TAOK3: variants seen among roughly 807,000 people sequenced by gnomAD.
The protein encoded by TAOK3 is TAO kinase 3.
TAOK3 carries 40 observed loss-of-function variants against 120.4 expected under a neutral mutation model. That is an observed-to-expected ratio of 0.33 (90% CI 0.26 to 0.43). The LOEUF is 0.43. Among genes scored for constraint, TAOK3 ranks in the 20% least tolerant of loss-of-function variants. TAOK3 has a pLI of 1.00. For missense variants in TAOK3, 821 were observed against 1,112.1 expected (o/e 0.74, Z 3.72); for synonymous variants, 355 against 387.5 (o/e 0.92, Z 0.99).
At chr12:118,154,970 T>C (rs1462268977) in intron 19 of TAOK3, among the ~76,000 whole-genome samples, 1 of 151,864 alleles carries the variant, frequency 6.6e-6, no homozygotes, top group African/African-American at 2.4e-5. Context: ...GGGCCAAATC[T>C]AGCCTGGTGC....
chr12:118,255,561 T>G lies in TAOK3; in HGVS notation c.7A>C (p.Lys3Gln). MRKGVLKDPEIAD... is the reference protein window; with the variant it reads MRQGVLKDPEIAD... ...ATCTCTGGGTCCTTCAGCACCCCTTTACGCATGATGGCCAGTAGAGCAGGC... is the reference window on the plus strand; with the variant it reads ...ATCTCTGGGTCCTTCAGCACCCCTTGACGCATGATGGCCAGTAGAGCAGGC... Residue 3 changes from lysine to glutamine, a missense_variant, in exon 3 of 21, where the codon AAA (lysine) becomes CAA (glutamine). This residue lies in a region of TAOK3 where 467 missense variants were observed against 540.0 expected (regional missense o/e 0.86). Transcript: ENST00000392533. 1 of 1,613,376 alleles carries G rather than the reference T, an allele frequency of 6.2e-7. No homozygotes were observed. The highest frequency in any genetic ancestry group is 8.5e-7 in the Non-Finnish European group (1 of 1,179,720).
chr12:118,355,922 C>T (rs1463384986), intron 1 of TAOK3, among the ~76,000 whole-genome samples: 1 of 152,104 alleles, frequency 6.6e-6, no homozygotes, highest in East Asian at 1.9e-4. Context: ...TGTGCAAAGT[C>T]ACAAAGCTAG....
chr12:118,336,578 A>C (rs193127888), intron 1 of TAOK3, among the ~76,000 whole-genome samples: 9 of 152,260 alleles, frequency 5.9e-5, no homozygotes, highest in Admixed American at 5.2e-4. Flanking sequence ...TGACTCAGGG[A>C]AAGAAAAAAA....
chr12:118,358,112 C>T (rs1004908184), intron 1 of TAOK3, among the ~76,000 whole-genome samples: 1 of 152,122 alleles, frequency 6.6e-6, no homozygotes, highest in African/African-American at 2.4e-5. Context: ...ATTAAGGTAG[C>T]TTTCCTGATT....
intron 1 of TAOK3, among the ~76,000 whole-genome samples, chr12:118,310,366 G>A (rs2043217833): frequency 7.2e-5 from 11 of 152,148 alleles, no homozygotes; most frequent in Admixed American, 7.2e-4. Flanking sequence ...TATTTGGTGA[G>A]CTATGTATAG....
chr12:118,202,312 T>TG (rs1211181958), intron 11 of TAOK3, among the ~76,000 whole-genome samples: 1 of 151,990 alleles, frequency 6.6e-6, no homozygotes, highest in African/African-American at 2.4e-5. Context: ...TAGAGAAAAA[T>TG]GCTGTGATGA....
At chr12:118,264,344 T>G (rs2041355641) in intron 2 of TAOK3, among the ~76,000 whole-genome samples, 2 of 152,184 alleles carry the variant, frequency 1.3e-5, no homozygotes, top group African/African-American at 4.8e-5. Flanking sequence ...AACAAATGAA[T>G]GGACAATCTG....
Position 118,266,768 on chromosome 12 carries a change from AAAG to A in TAOK3, c.-193-12_-193-10del, listed in dbSNP as rs1312219203. 7 of 396,364 alleles carry A rather than the reference AAAG, an allele frequency of 1.8e-5. No homozygotes were observed. Among genetic ancestry groups the A allele is most frequent in the African/African-American group, 6.2e-5 (3 of 48,574 alleles). 24.6% of individuals were successfully genotyped at this position (396,364 alleles called of 1,614,324 possible). On this transcript the variant is annotated splice_polypyrimidine_tract_variant and intron_variant, in intron 1 of 20. Coordinates refer to ENST00000392533, the MANE Select transcript of TAOK3 (RefSeq NM_016281.4). Reference sequence around the variant, plus strand: ...TGTATTTATGATGCAACCTATAGAAAAAGAAGAACAAAATACATAATTATCAGC... The same window carrying A: ...TGTATTTATGATGCAACCTATAGAAAAAGAACAAAATACATAATTATCAGC...
Position 118,263,969 on chromosome 12 carries a change from G to A in TAOK3, c.-89+2686C>T, listed in dbSNP as rs1001371285. ...TAATCCCAGCTACTCGGGAGGCTGA[G>A]GAAGGAGAAGTGCTTGAACCCAGGA... On this transcript the variant is annotated intron_variant, in intron 2 of 20. Coordinates refer to ENST00000392533, the MANE Select transcript of TAOK3 (RefSeq NM_016281.4). Among the ~76,000 whole-genome samples the A allele has an allele frequency of 1.3e-5, 2 of 152,188 alleles. 1 individual carries two copies. Among genetic ancestry groups the A allele is most frequent in the African/African-American group, 4.8e-5 (2 of 41,452 alleles).
At chr12:118,209,697 CTCTTCT>C (rs995139805) in intron 11 of TAOK3, among the ~76,000 whole-genome samples, 5 of 145,196 alleles carry the variant, frequency 3.4e-5, no homozygotes, top group African/African-American at 1.3e-4. Flanking sequence ...TTGCACCCGG[CTCTTCT>C]TCTTCTTCTT....
Position 118,206,181 on chromosome 12 carries a change from GA to G in TAOK3, c.820-4719del, listed in dbSNP as rs553530974. On this transcript the variant is annotated intron_variant, in intron 11 of 20. Coordinates refer to ENST00000392533, the MANE Select transcript of TAOK3 (RefSeq NM_016281.4). Reference sequence around the variant, plus strand: ...CATGGCAATGTAGCAGCCATTTTATGACAAAGACAATAAAAGCTACATGCTA... The same window carrying G: ...CATGGCAATGTAGCAGCCATTTTATGCAAAGACAATAAAAGCTACATGCTA... Among the ~76,000 whole-genome samples the G allele has an allele frequency of 7.9e-5, 12 of 152,320 alleles. No individual in the cohort carries two copies. The East Asian group carries it at 2.3e-3, about 29-fold the overall frequency.
intron 8 of TAOK3, 26 bp from the exon 9 acceptor site, chr12:118,233,791 A>C: frequency 9.0e-4 from 1,380 of 1,535,368 alleles, no homozygotes; most frequent in Non-Finnish European, 1.1e-3. Flanking sequence ...TACAAAACTC[A>C]AGTTGGAGAT....
chr12:118,319,543 T>G (rs2043614277), intron 1 of TAOK3, among the ~76,000 whole-genome samples: 1 of 152,136 alleles, frequency 6.6e-6, no homozygotes, highest in South Asian at 2.1e-4. Context: ...TGTCAAGGAC[T>G]TGAATAGCCA....
At chr12:118,350,860 C>CAA (rs200170595) in intron 1 of TAOK3, among the ~76,000 whole-genome samples, 8 of 73,286 alleles carry the variant, frequency 1.1e-4, no homozygotes, top group East Asian at 3.3e-4. Context: ...AACTCCGTCT[C>CAA]AAAAAAAAAA....
At chr12:118,309,848 A>C (rs542389534) in intron 1 of TAOK3, among the ~76,000 whole-genome samples, 3 of 151,976 alleles carry the variant, frequency 2.0e-5, no homozygotes, top group African/African-American at 7.2e-5. Flanking sequence ...CCTCCTGGCT[A>C]TGTGCTGGGT....
chr12:118,259,746 C>T (rs1220253570), intron 2 of TAOK3, among the ~76,000 whole-genome samples: 1 of 152,030 alleles, frequency 6.6e-6, no homozygotes, highest in Non-Finnish European at 1.5e-5. Flanking sequence ...TGGTGGACTC[C>T]CTGAGTTGAG....
At chr12:118,235,036 A>C (rs1231016799) in intron 8 of TAOK3, among the ~76,000 whole-genome samples, 1 of 152,230 alleles carries the variant, frequency 6.6e-6, no homozygotes, top group African/African-American at 2.4e-5. Flanking sequence ...TCTGTAAGGC[A>C]TAATGAAATT....
At chr12:118,263,150 TA>T (rs2041304750) in intron 2 of TAOK3, among the ~76,000 whole-genome samples, 1 of 152,152 alleles carries the variant, frequency 6.6e-6, no homozygotes, top group African/African-American at 2.4e-5. Flanking sequence ...ATAGACAAAT[TA>T]ATCAGTGCAG....
At chr12:118,239,601 T>C (rs920417515) in intron 5 of TAOK3, among the ~76,000 whole-genome samples, 1 of 152,216 alleles carries the variant, frequency 6.6e-6, no homozygotes, top group African/African-American at 2.4e-5. Flanking sequence ...GGTGACTATG[T>C]TGTACTATAA....
Sources: allele counts gnomAD v4.1 joint callset (sites outside exome capture counted in the v4.1 genomes callset), GRCh38; gene constraint gnomAD v4.1.1; regional missense constraint gnomAD v4.1.1; transcripts MANE v1.5; gene names NCBI Gene and HGNC (gene_info 2026-07-23, HGNC 2026-07-21).